The following LRRC4C variants were observed in gnomAD, a reference collection of about 807,000 sequenced individuals.
The protein encoded by LRRC4C is leucine-rich repeat-containing protein 4C.
In LRRC4C, 5 loss-of-function variants were observed where a neutral mutation model predicts 33.6. The observed-to-expected ratio is 0.15, with a 90% CI of 0.08 to 0.31. The LOEUF is 0.31. Ranked by LOEUF, LRRC4C falls within the 10% of genes least tolerant of loss-of-function variation. The pLI, the probability that LRRC4C is intolerant of heterozygous loss-of-function variation, is 1.00. For synonymous variants in LRRC4C, 329 were observed against 302.0 expected (o/e 1.09, Z -0.93); for missense variants, 560 against 796.7 (o/e 0.70, Z 3.58).
intron 2 of LRRC4C, among the ~76,000 whole-genome samples, chr11:40,819,106 T>A (rs1470620505): frequency 6.6e-6 from 1 of 152,162 alleles, no homozygotes; most frequent in East Asian, 1.9e-4. Context: ...TCCTGTTTTT[T>A]CTTTACATTA....
chr11:41,370,559 C>T (rs1952708371), intron 1 of LRRC4C, among the ~76,000 whole-genome samples: 1 of 152,098 alleles, frequency 6.6e-6, no homozygotes, highest in African/African-American at 2.4e-5. Flanking sequence ...TCTCTTGCCG[C>T]CACCATGTAA....
chr11:40,621,288 G>A (rs188498042), intron 3 of LRRC4C, among the ~76,000 whole-genome samples: 1 of 151,238 alleles, frequency 6.6e-6, no homozygotes, highest in East Asian at 2.0e-4. Context: ...ACATTTTTAG[G>A]ACATAAAGTC....
At chr11:41,274,087 T>G (rs187776660) in intron 1 of LRRC4C, among the ~76,000 whole-genome samples, 1 of 151,934 alleles carries the variant, frequency 6.6e-6, no homozygotes, top group Admixed American at 6.6e-5. Flanking sequence ...GAGGCATGCA[T>G]GGCATGTCAG....
chr11:40,259,326 A>G (rs933468978), intron 4 of LRRC4C, among the ~76,000 whole-genome samples: 1 of 151,526 alleles, frequency 6.6e-6, no homozygotes, highest in Non-Finnish European at 1.5e-5. Context: ...TTGTCAGATG[A>G]GTAGGTTGCA....
At chr11:40,395,705 G>C (rs1413426003) in intron 3 of LRRC4C, among the ~76,000 whole-genome samples, 1 of 152,106 alleles carries the variant, frequency 6.6e-6, no homozygotes, top group Non-Finnish European at 1.5e-5. Flanking sequence ...ACAGATTTCT[G>C]GACGGGTGCA....
chr11:41,178,069 C>T (rs1384215324), intron 1 of LRRC4C, among the ~76,000 whole-genome samples: 1 of 152,134 alleles, frequency 6.6e-6, no homozygotes, highest in Non-Finnish European at 1.5e-5. Flanking sequence ...TCTCCAGTGT[C>T]TCCCAAGCCC....
intron 1 of LRRC4C, among the ~76,000 whole-genome samples, chr11:41,056,058 C>A (rs1020171480): frequency 6.6e-6 from 1 of 152,104 alleles, no homozygotes; most frequent in African/African-American, 2.4e-5. Context: ...GGTAAAATTT[C>A]TATTTATTTA....
chr11:40,810,991 C>T (rs1029818514), intron 2 of LRRC4C, among the ~76,000 whole-genome samples: 1 of 152,160 alleles, frequency 6.6e-6, no homozygotes, highest in Non-Finnish European at 1.5e-5. Flanking sequence ...TTCTGCAAAG[C>T]CCTGCATAAT....
intron 6 of LRRC4C, among the ~76,000 whole-genome samples, chr11:40,125,278 C>T (rs896055685): frequency 3.3e-5 from 5 of 151,984 alleles, no homozygotes; most frequent in African/African-American, 1.2e-4. Flanking sequence ...TTCTAGATAT[C>T]GTTGAGGGTA....
intron 5 of LRRC4C, among the ~76,000 whole-genome samples, chr11:40,179,903 A>G (rs1270938283): frequency 6.6e-6 from 1 of 152,180 alleles, no homozygotes; most frequent in Non-Finnish European, 1.5e-5. Context: ...GTCTCTCCCC[A>G]TGTACGTGTG....
chr11:40,306,714 C>T (rs1425943537), intron 4 of LRRC4C, among the ~76,000 whole-genome samples: 1 of 152,200 alleles, frequency 6.6e-6, no homozygotes, highest in Non-Finnish European at 1.5e-5. Flanking sequence ...TTCATGTGCA[C>T]TGTCATTTCA....
At chr11:41,186,450 A>G (rs2136186931) in intron 1 of LRRC4C, among the ~76,000 whole-genome samples, 1 of 152,328 alleles carries the variant, frequency 6.6e-6, no homozygotes, top group South Asian at 2.1e-4. Context: ...ACATTCAGAA[A>G]ACTTGAAAGT....
At chr11:40,858,016 A>AAGGGAAG in intron 2 of LRRC4C, among the ~76,000 whole-genome samples, 2 of 139,132 alleles carry the variant, frequency 1.4e-5, no homozygotes, top group Non-Finnish European at 3.0e-5. Context: ...GGACAAGGAA[A>AAGGGAAG]GGAAGGGAAG....
At chr11:41,151,319 T>C (rs183466621) in intron 1 of LRRC4C, among the ~76,000 whole-genome samples, 22 of 152,300 alleles carry the variant, frequency 1.4e-4, no homozygotes, top group Admixed American at 1.4e-3. Context: ...AAAAGGTAGA[T>C]AAAGCACAGC....
chr11:41,185,124 G>A (rs1158178652), intron 1 of LRRC4C, among the ~76,000 whole-genome samples: 1 of 152,080 alleles, frequency 6.6e-6, no homozygotes, highest in Non-Finnish European at 1.5e-5. Context: ...TGAGATTTCG[G>A]TGGGGACACA....
intron 3 of LRRC4C, among the ~76,000 whole-genome samples, chr11:40,402,441 G>A (rs1313380516): frequency 1.3e-5 from 2 of 152,084 alleles, no homozygotes; most frequent in Non-Finnish European, 2.9e-5. Flanking sequence ...TAAGACTCAT[G>A]ACTACAGAGT....
intron 3 of LRRC4C, among the ~76,000 whole-genome samples, chr11:40,531,441 A>C (rs1956268702): frequency 6.6e-6 from 1 of 152,126 alleles, no homozygotes; most frequent in Non-Finnish European, 1.5e-5. Flanking sequence ...TAGGCAGCAT[A>C]ATCTGTCAAT....
chr11:41,360,728 A>G (rs970635358), intron 1 of LRRC4C, among the ~76,000 whole-genome samples: 16 of 152,320 alleles, frequency 1.1e-4, no homozygotes, highest in Non-Finnish European at 2.4e-4. Context: ...CAAAAGAAAT[A>G]AGGCCCATAT....
At chr11:40,688,765 T>A (rs1024512564) in intron 2 of LRRC4C, among the ~76,000 whole-genome samples, 3 of 152,120 alleles carry the variant, frequency 2.0e-5, no homozygotes, top group Non-Finnish European at 4.4e-5. Context: ...ACGTGTTTGA[T>A]TGGCGGGAGA....
Sources: gnomAD v4.1 joint callset for allele counts (sites outside exome capture counted in the v4.1 genomes callset) on GRCh38, gnomAD v4.1.1 for gene constraint, MANE v1.5 for transcripts, NCBI Gene and HGNC (gene_info 2026-07-23, HGNC 2026-07-21) for gene names.